Variants in RYR1 observed in about 807,000 individuals in gnomAD.
The protein encoded by RYR1 is ryanodine receptor 1.
Under a neutral mutation model 583.5 loss-of-function variants are expected in RYR1, and 342 were observed. The observed-to-expected ratio is 0.59, with a 90% CI of 0.54 to 0.64. RYR1 has a LOEUF of 0.64. Ranked by LOEUF, RYR1 falls within the 30% of genes least tolerant of loss-of-function variation. The probability of loss-of-function intolerance (pLI) is 0.00; values close to 1 mark genes in which losing one functional copy is unlikely to be tolerated. For missense variants in RYR1, 6,032 were observed against 6,917.2 expected (o/e 0.87, Z 4.54); for synonymous variants, 2,791 against 2,822.5 (o/e 0.99, Z 0.35).
In RYR1 at chr19:38,463,412, T is replaced by C; in HGVS notation, c.2578-11T>C. On this transcript the variant is annotated splice_polypyrimidine_tract_variant and intron_variant, in intron 20 of 105. Coordinates refer to ENST00000359596, the MANE Select transcript of RYR1 (RefSeq NM_000540.3). ...GACCTTGGGGTCTCAAGAACGTCCC[T>C]CTGCCTCTAGATTGTCCTGCCGCCC... 1 of 1,612,996 alleles carries C rather than the reference T, an allele frequency of 6.2e-7. No homozygotes were observed. Among genetic ancestry groups the C allele is most frequent in the South Asian group, 1.1e-5 (1 of 90,918 alleles).
intron 90 of RYR1, among the ~76,000 whole-genome samples, chr19:38,563,739 C>G (rs903992401): frequency 6.6e-5 from 10 of 152,254 alleles, no homozygotes; most frequent in African/African-American, 2.4e-4. Context: ...GTGGCAGAAT[C>G]AGGATTTGAA....
chr19:38,535,909 C>T (rs1157320938), intron 81 of RYR1, 88 bp from the exon 82 acceptor site: 10 of 1,191,972 alleles, frequency 8.4e-6, no homozygotes, highest in Non-Finnish European at 1.1e-5. Context: ...GCTCTCCAGG[C>T]TACCATGGTG....
At chr19:38,526,940 C>G (rs975759375) in intron 71 of RYR1, 53 bp from the exon 72 acceptor site, 16 of 1,591,870 alleles carry the variant, frequency 1.0e-5, no homozygotes, top group Middle Eastern at 1.7e-4. Flanking sequence ...GGTTGTGGGT[C>G]AGGAAGGAGG....
At chr19:38,546,289 C>T (rs540957828) in intron 87 of RYR1, among the ~76,000 whole-genome samples, 156 bp from the exon 88 acceptor site, 1 of 152,092 alleles carries the variant, frequency 6.6e-6, no homozygotes, top group Non-Finnish European at 1.5e-5. Context: ...TGCCCCTTCC[C>T]CTGCTTCCGA....
rs779075901 is a variant in RYR1, at chr19:38,567,786, G to C, written c.13528G>C (p.Glu4510Gln). ...CCTGCCCTGCAGTGCCGAGAATGGGGAGAAGGAAGAAGTTCCCGAGCCCAC... is the reference window on the plus strand; with the variant it reads ...CCTGCCCTGCAGTGCCGAGAATGGGCAGAAGGAAGAAGTTCCCGAGCCCAC... ...EPEKADAENG[E>Q]KEEVPEPTPE... is the part of the protein sequence containing the mutation. The change falls in exon 93 of 106, where the codon GAG becomes CAG. Residue 4510 changes from glutamate (E) to glutamine (Q), a missense_variant. Physicochemically the swap from Glu to Gln is conservative, Grantham distance 29. Coordinates refer to ENST00000359596, the MANE Select transcript of RYR1 (RefSeq NM_000540.3). 4.3e-6 allele frequency: 7 copies of C among 1,614,174 alleles called. No individual in the cohort carries two copies. In the South Asian group the frequency reaches 7.7e-5, roughly 18 times the overall value.
In RYR1 at chr19:38,469,524, A is replaced by G. The variant is rs1178353678; in HGVS notation, c.3765+11A>G. On this transcript the variant is annotated intron_variant, in intron 27 of 105. Coordinates refer to ENST00000359596, the MANE Select transcript of RYR1 (RefSeq NM_000540.3). The stretch of plus-strand genomic sequence containing the variant: ...CACCCTCACTATGAGGTAAGGACTG[A>G]GCCCCTCAATGCCTTCTCATCTGCC... 1 of 1,612,946 alleles carries G rather than the reference A, an allele frequency of 6.2e-7. No homozygotes were observed. The highest frequency in any genetic ancestry group is 8.5e-7 in the Non-Finnish European group (1 of 1,179,130).
intron 27 of RYR1, among the ~76,000 whole-genome samples, chr19:38,472,940 C>T (rs1968503536): frequency 6.7e-6 from 1 of 150,366 alleles, no homozygotes; most frequent in Admixed American, 6.7e-5. Flanking sequence ...CATTTGAACC[C>T]TGTAGGCAGA....
intron 93 of RYR1, among the ~76,000 whole-genome samples, chr19:38,569,249 C>T (rs574202059): frequency 1.3e-5 from 2 of 152,246 alleles, no homozygotes; most frequent in East Asian, 3.9e-4. Context: ...CCTTGTGATC[C>T]ACCCGCCTTG....
At chr19:38,464,752 G>T in intron 23 of RYR1, 30 bp downstream of exon 23, 1 of 1,546,132 alleles carries the variant, frequency 6.5e-7, no homozygotes. Context: ...TCCCGTCTGG[G>T]GATGGACTGG....
At chr19:38,523,958 T>C (rs1423980089) in intron 70 of RYR1, 29 bp downstream of exon 70, 1 of 1,613,484 alleles carries the variant, frequency 6.2e-7, no homozygotes. Flanking sequence ...ACCTTCCGCA[T>C]GTCTCTTGGC....
chr19:38,448,451 G>T lies in RYR1; in HGVS notation c.897G>T (p.Val299=), dbSNP rs76854339. 1.2e-6 allele frequency: 2 copies of T among 1,613,856 alleles called. No individual in the cohort carries two copies. Among genetic ancestry groups the T allele is most frequent in the African/African-American group, 2.7e-5 (2 of 74,996 alleles). ...YLALTEDQGL[V]VVDASKAHTK... Reference sequence around the variant, plus strand: ...CGCTCACCGAGGACCAGGGCCTGGTGGTGGTTGACGCCAGCAAGGCTCACA... The same window carrying T: ...CGCTCACCGAGGACCAGGGCCTGGTTGTGGTTGACGCCAGCAAGGCTCACA... Residue 299 remains valine (V), a synonymous_variant, in exon 10 of 106, where the codon GTG becomes GTT. Transcript: ENST00000359596.
intron 7 of RYR1, among the ~76,000 whole-genome samples, chr19:38,445,213 A>ACT (rs1198519635): frequency 8.9e-6 from 1 of 111,746 alleles, no homozygotes; most frequent in African/African-American, 3.7e-5. Context: ...ACAGAGCCAG[A>ACT]CTCTGCCTCA....
chr19:38,511,423 A>C (rs1319323905), intron 60 of RYR1, 138 bp from the exon 61 acceptor site: 3 of 866,952 alleles, frequency 3.5e-6, no homozygotes, highest in East Asian at 2.5e-5. Flanking sequence ...TCCTGTCTCC[A>C]TCATTTGGAC....
At chr19:38,490,520 T>C in intron 36 of RYR1, 101 bp from the exon 37 acceptor site, 1 of 864,838 alleles carries the variant, frequency 1.2e-6, no homozygotes, top group Non-Finnish European at 1.9e-6. Context: ...CTTCGACTCA[T>C]GACCTTAGAC....
chr19:38,535,111 G>A (rs1009669911), intron 79 of RYR1, 30 bp from the exon 80 acceptor site: 2 of 1,607,532 alleles, frequency 1.2e-6, no homozygotes, highest in Non-Finnish European at 8.5e-7. Context: ...CCAACTGGGT[G>A]GACCATCTTT....
intron 89 of RYR1, among the ~76,000 whole-genome samples, chr19:38,558,100 G>A (rs1021385547): frequency 1.3e-5 from 2 of 152,038 alleles, no homozygotes; most frequent in African/African-American, 4.8e-5. Flanking sequence ...CTTGAGCCCA[G>A]GAGTTCAAGA....
chr19:38,462,511 C>T (rs113151133), intron 20 of RYR1, among the ~76,000 whole-genome samples: 2,871 of 152,144 alleles, frequency 0.019, 68 homozygotes, highest in African/African-American at 0.062. Flanking sequence ...CCGCTTTCCT[C>T]ATCCCCATGT....
In RYR1 at chr19:38,440,793, C is replaced by T. The variant is rs138630815; in HGVS notation, c.94C>T (p.Leu32Phe). ...QCSATVLKEQ[L>F]KLCLAAEGFG... ...CAGCGCTACCGTGCTCAAGGAGCAGCTCAAGCTCTGCCTGGCCGCCGAGGG... is the reference window on the plus strand; with the variant it reads ...CAGCGCTACCGTGCTCAAGGAGCAGTTCAAGCTCTGCCTGGCCGCCGAGGG... Residue 32 changes from leucine to phenylalanine, a missense_variant, in exon 2 of 106, where the codon CTC becomes TTC. Physicochemically the swap from Leu to Phe is conservative, Grantham distance 22. Around this residue, in one of 11 missense-constraint regions of RYR1, gnomAD observed 71 missense variants for 75.3 expected, o/e 0.94. Coordinates refer to ENST00000359596, the MANE Select transcript of RYR1 (RefSeq NM_000540.3). 374 of 1,609,174 alleles carry T rather than the reference C, an allele frequency of 2.3e-4. 1 individual carries two copies. In the African/African-American group the frequency reaches 4.2e-3, roughly 18 times the overall value.
At chr19:38,517,207 G>T in intron 65 of RYR1, 152 bp from the exon 66 acceptor site, 1 of 797,242 alleles carries the variant, frequency 1.3e-6, no homozygotes, top group Non-Finnish European at 2.1e-6. Context: ...AGAGGTAGTT[G>T]GGTTGGAGGG....
Sources: allele counts gnomAD v4.1 joint callset (sites outside exome capture counted in the v4.1 genomes callset), GRCh38; gene constraint gnomAD v4.1.1; regional missense constraint gnomAD v4.1.1; transcripts MANE v1.5; gene names NCBI Gene and HGNC (gene_info 2026-07-23, HGNC 2026-07-21).